Variants in KANK1 observed in about 807,000 individuals in gnomAD.
KANK1 encodes KN motif and ankyrin repeat domains 1, also known as KN motif and ankyrin repeat domain-containing protein 1.
In KANK1, 109 loss-of-function variants were observed where a neutral mutation model predicts 106.2. That is an observed-to-expected ratio of 1.03 (90% CI 0.88 to 1.20). The LOEUF is 1.20. KANK1 is among the 50% of genes most tolerant of loss of function. The probability of loss-of-function intolerance (pLI) is 0.00; values close to 1 mark genes in which losing one functional copy is unlikely to be tolerated. For missense variants in KANK1, 2,399 were observed against 1,710.7 expected, an observed-to-expected ratio of 1.40 and a Z score of -7.10; for synonymous variants, 873 against 652.2, an observed-to-expected ratio of 1.34 and a Z score of -5.16.
At position 599,362 on chromosome 9, in the gene KANK1, T is replaced by A. The variant is rs907553336; in HGVS notation, c.-83-77528T>A. ...TTTAAAAAATAATCTCTAGTGGTTATTTTAAAATTCAAGGTAAGAACCCCA... is the reference window on the plus strand; with the variant it reads ...TTTAAAAAATAATCTCTAGTGGTTAATTTAAAATTCAAGGTAAGAACCCCA... On this transcript the variant is annotated intron_variant, in intron 1 of 11. Coordinates refer to ENST00000382297, the MANE Select transcript of KANK1 (RefSeq NM_015158.5). 3.4e-4 allele frequency among the ~76,000 whole-genome samples: 51 copies of A among 151,834 alleles called. 2 individuals carry two copies. Among genetic ancestry groups the A allele is most frequent in the African/African-American group, 1.2e-3 (48 of 41,100 alleles).
chr9:741,487 CTTTTTTT>C (rs71314737), intron 9 of KANK1, among the ~76,000 whole-genome samples: 10 of 109,538 alleles, frequency 9.1e-5, no homozygotes, highest in African/African-American at 1.3e-4. Flanking sequence ...CCACACCTGG[CTTTTTTT>C]TTTTTTTTTT....
At chr9:550,166 A>C (rs1563753677) in intron 1 of KANK1, among the ~76,000 whole-genome samples, 1 of 149,828 alleles carries the variant, frequency 6.7e-6, no homozygotes, top group African/African-American at 2.5e-5. Flanking sequence ...GGGATAAATA[A>C]GCAGACAGTC....
chr9:744,947 C>CACTCTG (rs1836805402), intron 11 of KANK1: 9 of 1,447,160 alleles, frequency 6.2e-6, no homozygotes, highest in Non-Finnish European at 7.2e-6. Flanking sequence ...GTCCACAGTT[C>CACTCTG]ACTCTGAGTG....
chr9:713,448 T>G lies in KANK1; in HGVS notation c.2682T>G (p.Ser894Arg). ...GGAACCCTGACTTCCAGAAAACCAG[T>G]CTGGGTAAAATCACAGGTAGGTGGT... ...ELRNPDFQKT[S>R]LGKITGNYLG... Residue 894 changes from serine to arginine, a missense_variant, in exon 3 of 12, where the codon AGT (serine) becomes AGG (arginine). Ser to Arg is a moderately radical substitution (Grantham distance 110, BLOSUM62 -1). Coordinates refer to ENST00000382297, the MANE Select transcript of KANK1 (RefSeq NM_015158.5). 1 of 1,593,608 alleles carries G rather than the reference T, an allele frequency of 6.3e-7. No individual in the cohort carries two copies. The highest frequency in any genetic ancestry group is 8.5e-7 in the Non-Finnish European group (1 of 1,171,384).
chr9:716,278 G>C (rs919372573), intron 3 of KANK1, among the ~76,000 whole-genome samples: 2 of 152,232 alleles, frequency 1.3e-5, no homozygotes, highest in African/African-American at 4.8e-5. Flanking sequence ...TGAAGATTCA[G>C]TGAGTCAATA....
At position 641,383 on chromosome 9, in the gene KANK1, A is replaced by G. The variant is rs571176044; in HGVS notation, c.-83-35507A>G. Among the ~76,000 whole-genome samples, 7 of 152,354 alleles carry G rather than the reference A, an allele frequency of 4.6e-5. No individual in the cohort carries two copies. In the South Asian group the frequency reaches 1.5e-3, roughly 32 times the overall value. On this transcript the variant is annotated intron_variant, in intron 1 of 11. Transcript: ENST00000382297. Reference sequence around the variant, plus strand: ...GATACCTGCTTTGGTCATTGGAAGGAAAGTAGAACATCCATCTTGGTGGTG... The same window carrying G: ...GATACCTGCTTTGGTCATTGGAAGGGAAGTAGAACATCCATCTTGGTGGTG...
intron 1 of KANK1, among the ~76,000 whole-genome samples, chr9:612,544 TA>T (rs1180856006): frequency 6.6e-6 from 1 of 152,204 alleles, no homozygotes; most frequent in East Asian, 1.9e-4. Context: ...TGCCTTTTAG[TA>T]AGCCTTTATG....
chr9:599,284 C>A (rs1018417020), intron 1 of KANK1, among the ~76,000 whole-genome samples: 3 of 151,390 alleles, frequency 2.0e-5, no homozygotes, highest in African/African-American at 7.3e-5. Flanking sequence ...TCCCAAAGTG[C>A]TGGGATTATA....
At chr9:664,099 GT>G (rs1465633510) in intron 1 of KANK1, among the ~76,000 whole-genome samples, 2 of 152,126 alleles carry the variant, frequency 1.3e-5, no homozygotes, top group Non-Finnish European at 1.5e-5. Context: ...GTAATAGTGA[GT>G]TTTCATGAGA....
At chr9:672,220 C>A (rs1209362156) in intron 1 of KANK1, among the ~76,000 whole-genome samples, 2 of 152,106 alleles carry the variant, frequency 1.3e-5, no homozygotes, top group Non-Finnish European at 2.9e-5. Flanking sequence ...TCTAAAACTC[C>A]CTGTGCTTGT....
chr9:525,350 C>CGTGT (rs35296364), intron 1 of KANK1, among the ~76,000 whole-genome samples: 4,370 of 140,502 alleles, frequency 0.031, 134 homozygotes, highest in African/African-American at 0.06. Flanking sequence ...TGTATACATA[C>CGTGT]GTGTGTGTGT....
rs143760144 is a variant in KANK1, at chr9:658,342, A to G, written c.-83-18548A>G. ...TCTTCCTACTATGACCAACAGGACTAAGCAAATCTCATAACCTAGCCTCTG... is the reference window on the plus strand; with the variant it reads ...TCTTCCTACTATGACCAACAGGACTGAGCAAATCTCATAACCTAGCCTCTG... On this transcript the variant is annotated intron_variant, in intron 1 of 11. Coordinates refer to ENST00000382297, the MANE Select transcript of KANK1 (RefSeq NM_015158.5). Among the ~76,000 whole-genome samples, 10 of 152,290 alleles carry G rather than the reference A, an allele frequency of 6.6e-5. No homozygotes were observed. The East Asian group carries it at 1.9e-3, about 29-fold the overall frequency.
At chr9:506,926 C>T (rs1277308812) in intron 1 of KANK1, among the ~76,000 whole-genome samples, 2 of 152,096 alleles carry the variant, frequency 1.3e-5, no homozygotes, top group African/African-American at 4.8e-5. Flanking sequence ...CAGAGTGGGT[C>T]TGTGAAAAGT....
At chr9:558,499 A>G (rs1206191010) in intron 1 of KANK1, among the ~76,000 whole-genome samples, 1 of 152,212 alleles carries the variant, frequency 6.6e-6, no homozygotes, top group Non-Finnish European at 1.5e-5. Context: ...TTTAATATAC[A>G]TTGTTGATTC....
intron 2 of KANK1, among the ~76,000 whole-genome samples, chr9:709,600 G>T (rs1407069535): frequency 6.8e-6 from 1 of 146,870 alleles, no homozygotes; most frequent in Non-Finnish European, 1.5e-5. Flanking sequence ...ACTGGACAAT[G>T]CTTTCATGTC....
At position 732,354 on chromosome 9, in the gene KANK1, C is replaced by T. The variant is rs748297526; in HGVS notation, c.3006-24C>T. The T allele has an allele frequency of 1.6e-5, 26 of 1,599,798 alleles. No homozygotes were observed. The South Asian group carries it at 2.7e-4, about 16-fold the overall frequency. On this transcript the variant is annotated intron_variant, in intron 5 of 11. Coordinates refer to ENST00000382297, the MANE Select transcript of KANK1 (RefSeq NM_015158.5). ...GTCTTCGTGAGCACACCTTGCATCT[C>T]CTGAAATCCCAATTGCCACCTAGGT...
intron 3 of KANK1, among the ~76,000 whole-genome samples, chr9:482,593 G>C (rs756614246): frequency 9.2e-5 from 14 of 152,222 alleles, no homozygotes; most frequent in Non-Finnish European, 1.9e-4. Context: ...TCAAACCCAA[G>C]TCTTCTGTCT....
intron 3 of KANK1, among the ~76,000 whole-genome samples, chr9:491,525 C>T (rs528274471): frequency 8.5e-5 from 13 of 152,248 alleles, no homozygotes; most frequent in South Asian, 2.1e-4. Flanking sequence ...CCTCGGCCCC[C>T]CAAAGTGCTG....
intron 3 of KANK1, among the ~76,000 whole-genome samples, chr9:480,971 C>G (rs1328697397): frequency 6.6e-6 from 1 of 152,164 alleles, no homozygotes; most frequent in African/African-American, 2.4e-5. Flanking sequence ...AATAAACCCA[C>G]CTAAGTGAAA....
Sources: allele counts gnomAD v4.1 joint callset (sites outside exome capture counted in the v4.1 genomes callset), GRCh38; gene constraint gnomAD v4.1.1; transcripts MANE v1.5; gene names NCBI Gene and HGNC (gene_info 2026-07-23, HGNC 2026-07-21).